The following GRIN2B variants were observed in gnomAD, a reference collection of about 807,000 sequenced individuals.
The protein encoded by GRIN2B is glutamate ionotropic receptor NMDA type subunit 2B.
Under a neutral mutation model 114.5 loss-of-function variants are expected in GRIN2B, and 5 were observed. That is an observed-to-expected ratio of 0.04 (90% CI 0.02 to 0.09). The LOEUF (loss-of-function observed/expected upper bound fraction) is 0.09, where lower values mean the gene tolerates loss of function less well. Ranked by LOEUF, GRIN2B falls within the 10% of genes least tolerant of loss-of-function variation. GRIN2B has a pLI of 1.00. For missense variants in GRIN2B, 1,108 were observed against 1,943.5 expected (o/e 0.57, Z 8.08); for synonymous variants, 787 against 745.1 (o/e 1.06, Z -0.92).
chr12:13,797,393 T>C lies in GRIN2B; in HGVS notation c.412-43478A>G, dbSNP rs1042461585. Reference sequence around the variant, plus strand: ...TGAGGGGCCACAAACATTCAGACAATAGCAAATACTATAAGTTGCACTTTT... The same window carrying C: ...TGAGGGGCCACAAACATTCAGACAACAGCAAATACTATAAGTTGCACTTTT... On this transcript the variant is annotated intron_variant, in intron 3 of 13. Transcript: ENST00000609686. 2.6e-5 allele frequency among the ~76,000 whole-genome samples: 4 copies of C among 152,230 alleles called. No individual in the cohort carries two copies. The East Asian group carries it at 7.7e-4, about 29-fold the overall frequency.
At position 13,562,606 on chromosome 12, in the gene GRIN2B, G is replaced by T; in HGVS notation, c.*177C>A. On this transcript the variant is annotated 3_prime_UTR_variant, in exon 14 of 14. Coordinates refer to ENST00000609686, the MANE Select transcript of GRIN2B (RefSeq NM_000834.5). ...AACTGTGAAAAGGAGGAGAGATGGT[G>T]CTGGTCACCAGGGTTGCCCCCAGTA... is the stretch of plus-strand genomic sequence containing the variant. 2 of 632,246 alleles carry T rather than the reference G, an allele frequency of 3.2e-6. No individual in the cohort carries two copies. The highest frequency in any genetic ancestry group is 5.7e-6 in the Non-Finnish European group (2 of 353,894). 39.2% of individuals were successfully genotyped at this position (632,246 alleles called of 1,614,324 possible). A position where few individuals can be genotyped will look rare whatever the true frequency, so the allele number is the denominator to read the frequency against.
chr12:13,794,202 T>G (rs1864372381), intron 3 of GRIN2B, among the ~76,000 whole-genome samples: 1 of 99,412 alleles, frequency 1.0e-5, no homozygotes, highest in Non-Finnish European at 1.9e-5. Flanking sequence ...TGTGAGACTC[T>G]GTCTCAAAAA....
At chr12:13,706,525 T>A (rs531658865) in intron 4 of GRIN2B, among the ~76,000 whole-genome samples, 2 of 152,230 alleles carry the variant, frequency 1.3e-5, no homozygotes, top group South Asian at 4.1e-4. Context: ...CTCCCATAGA[T>A]CTAAAGCCCC....
chr12:13,960,441 GT>G (rs1192264243), intron 2 of GRIN2B, among the ~76,000 whole-genome samples: 1 of 152,108 alleles, frequency 6.6e-6, no homozygotes, highest in Non-Finnish European at 1.5e-5. Flanking sequence ...CAAGGCCCAT[GT>G]TTTTTTACCA....
At chr12:13,599,303 G>T (rs1005207853) in intron 10 of GRIN2B, among the ~76,000 whole-genome samples, 1 of 152,120 alleles carries the variant, frequency 6.6e-6, no homozygotes, top group African/African-American at 2.4e-5. Flanking sequence ...AGGCCGAAAG[G>T]TTCCAAAAAT....
At chr12:13,598,638 C>T (rs887523537) in intron 10 of GRIN2B, among the ~76,000 whole-genome samples, 1 of 152,158 alleles carries the variant, frequency 6.6e-6, no homozygotes, top group Non-Finnish European at 1.5e-5. Flanking sequence ...CTCCACCACC[C>T]CAAAGTAGTT....
intron 3 of GRIN2B, among the ~76,000 whole-genome samples, chr12:13,807,913 C>T (rs1312875841): frequency 6.6e-6 from 1 of 151,980 alleles, no homozygotes; most frequent in African/African-American, 2.4e-5. Context: ...GAAGTTTAAG[C>T]AGCAGTAGAA....
chr12:13,951,618 C>A (rs1386826492), intron 2 of GRIN2B, among the ~76,000 whole-genome samples: 1 of 152,202 alleles, frequency 6.6e-6, no homozygotes, highest in Non-Finnish European at 1.5e-5. Context: ...AGGAAGACTT[C>A]ATGGACACTT....
intron 3 of GRIN2B, among the ~76,000 whole-genome samples, chr12:13,828,029 A>T (rs554833522): frequency 6.6e-6 from 1 of 151,942 alleles, no homozygotes; most frequent in East Asian, 1.9e-4. Flanking sequence ...TATCTTTGTT[A>T]TTTCTCCGTC....
At position 13,825,580 on chromosome 12, in the gene GRIN2B, G is replaced by A. The variant is rs865805134; in HGVS notation, c.411+40218C>T. 1.3e-3 allele frequency among the ~76,000 whole-genome samples: 189 copies of A among 149,058 alleles called. 2 individuals are homozygous for A. The highest frequency in any genetic ancestry group is 4.4e-3 in the African/African-American group (177 of 40,560). ...AGCCCAGGCTAGAGTGCAATGGCCC[G>A]ATGTCGGCTCACTGCAACCTCCACT... On this transcript the variant is annotated intron_variant, in intron 3 of 13. Transcript: ENST00000609686.
intron 2 of GRIN2B, among the ~76,000 whole-genome samples, chr12:13,877,972 G>A (rs1483850866): frequency 6.7e-6 from 1 of 149,014 alleles, no homozygotes; most frequent in Non-Finnish European, 1.5e-5. Context: ...GCTGAGGCAG[G>A]AGAATTGCTT....
At chr12:13,790,722 A>G (rs1017576992) in intron 3 of GRIN2B, among the ~76,000 whole-genome samples, 4 of 152,232 alleles carry the variant, frequency 2.6e-5, no homozygotes, top group African/African-American at 7.2e-5. Flanking sequence ...TTTATAAAAT[A>G]CACAGTAGGA....
At chr12:13,782,881 C>G (rs778352503) in intron 3 of GRIN2B, among the ~76,000 whole-genome samples, 3 of 152,058 alleles carry the variant, frequency 2.0e-5, no homozygotes, top group Non-Finnish European at 4.4e-5. Flanking sequence ...AAGAGTCCAC[C>G]CACTAGCCTA....
chr12:13,883,235 G>T (rs1381372061), intron 2 of GRIN2B, among the ~76,000 whole-genome samples: 1 of 152,196 alleles, frequency 6.6e-6, no homozygotes, highest in Non-Finnish European at 1.5e-5. Flanking sequence ...GGTCTGTAGT[G>T]TGGATATATG....
intron 2 of GRIN2B, among the ~76,000 whole-genome samples, chr12:13,878,022 C>CA (rs1423518401): frequency 6.7e-6 from 1 of 148,346 alleles, no homozygotes; most frequent in Non-Finnish European, 1.5e-5. Flanking sequence ...CGAGATCGCA[C>CA]CACTGCACTC....
At chr12:13,851,088 C>A (rs916356733) in intron 3 of GRIN2B, among the ~76,000 whole-genome samples, 6 of 152,098 alleles carry the variant, frequency 3.9e-5, no homozygotes, top group African/African-American at 1.4e-4. Context: ...ATTTGGCCCA[C>A]CCCACTCTCC....
intron 2 of GRIN2B, among the ~76,000 whole-genome samples, chr12:13,888,675 A>G (rs1866206931): frequency 6.6e-6 from 1 of 151,916 alleles, no homozygotes; most frequent in Non-Finnish European, 1.5e-5. Flanking sequence ...TGGAGGTTGT[A>G]GAGAGCCGAG....
chr12:13,815,364 A>G (rs1864800397), intron 3 of GRIN2B, among the ~76,000 whole-genome samples: 1 of 152,072 alleles, frequency 6.6e-6, no homozygotes, highest in Non-Finnish European at 1.5e-5. Flanking sequence ...GGCATCATTC[A>G]GAACAGACAA....
At chr12:13,749,795 C>G (rs143748422) in intron 4 of GRIN2B, among the ~76,000 whole-genome samples, 1,536 of 152,292 alleles carry the variant, frequency 0.01, 14 homozygotes, top group Middle Eastern at 0.017. Flanking sequence ...TTGGGGCTAA[C>G]TCTATAAACC....
Sources: gnomAD v4.1 joint callset for allele counts (sites outside exome capture counted in the v4.1 genomes callset) on GRCh38, gnomAD v4.1.1 for gene constraint, MANE v1.5 for transcripts, NCBI Gene and HGNC (gene_info 2026-07-23, HGNC 2026-07-21) for gene names.